ATF7IP: variants seen among roughly 807,000 people sequenced by gnomAD.
ATF7IP encodes activating transcription factor 7 interacting protein, also known as activating transcription factor 7-interacting protein 1.
A neutral mutation model predicts 106.4 loss-of-function variants in ATF7IP; 23 were observed. The ratio of observed to expected loss-of-function variants is 0.22; its 90% CI spans 0.16 to 0.31. The LOEUF is 0.31. ATF7IP is among the 10% of genes least tolerant of loss of function. The pLI is 1.00. For synonymous variants in ATF7IP, 542 were observed against 539.0 expected (o/e 1.01, Z -0.08); for missense variants, 1,334 against 1,524.3 (o/e 0.88, Z 2.08).
intron 13 of ATF7IP, among the ~76,000 whole-genome samples, chr12:14,492,385 C>G (rs1045476192): frequency 6.6e-5 from 10 of 151,996 alleles, no homozygotes; most frequent in Non-Finnish European, 1.2e-4. Flanking sequence ...CAGAGATCTC[C>G]TTGGGGAAGG....
chr12:14,421,929 A>G (rs1442850779), intron 1 of ATF7IP, among the ~76,000 whole-genome samples: 2 of 152,194 alleles, frequency 1.3e-5, no homozygotes, highest in Admixed American at 1.3e-4. Flanking sequence ...CTTTTTAAGA[A>G]ACCTACTTCT....
intron 1 of ATF7IP, among the ~76,000 whole-genome samples, chr12:14,399,744 A>G (rs1171380290): frequency 6.6e-6 from 1 of 151,960 alleles, no homozygotes; most frequent in Non-Finnish European, 1.5e-5. Flanking sequence ...TTAATATACT[A>G]TTTTAAAATG....
At position 14,436,126 on chromosome 12, in the gene ATF7IP, C is replaced by T; in HGVS notation, c.1666C>T (p.Arg556Cys). The part of the protein sequence containing the change: ...SEKNEFSRRK[R>C]SKSEDMDNVQ... ...CTCAGATGAATTTTCTAGACGAAAA[C>T]GTTCTAAATCAGAAGACATGGACAA... Residue 556 changes from arginine (R) to cysteine (C), a missense_variant, in exon 4 of 15, where the codon CGT becomes TGT. Physicochemically the swap from Arg to Cys is radical, Grantham distance 180. Around this residue, in one of 10 missense-constraint regions of ATF7IP, gnomAD observed 119 missense variants for 117.8 expected, o/e 1.01. Coordinates refer to ENST00000261168, the MANE Select transcript of ATF7IP (RefSeq NM_018179.5). The T allele has an allele frequency of 6.2e-7, 1 of 1,612,364 alleles. No homozygotes were observed. Among genetic ancestry groups the T allele is most frequent in the Non-Finnish European group, 8.5e-7 (1 of 1,179,288 alleles).
intron 13 of ATF7IP, among the ~76,000 whole-genome samples, chr12:14,494,777 A>T (rs1944958406): frequency 6.6e-6 from 1 of 151,498 alleles, no homozygotes; most frequent in Non-Finnish European, 1.5e-5. Context: ...TACCAAAAAT[A>T]CAAAAATTGG....
intron 1 of ATF7IP, among the ~76,000 whole-genome samples, chr12:14,376,829 G>A (rs978332338): frequency 6.6e-6 from 1 of 152,132 alleles, no homozygotes; most frequent in African/African-American, 2.4e-5. Flanking sequence ...GGGAGGCTGA[G>A]GCAGGAGAAT....
At chr12:14,410,165 A>G (rs1940831544) in intron 1 of ATF7IP, among the ~76,000 whole-genome samples, 2 of 152,146 alleles carry the variant, frequency 1.3e-5, no homozygotes, top group African/African-American at 2.4e-5. Flanking sequence ...GACATTTCAT[A>G]TACATTAGTC....
intron 6 of ATF7IP, among the ~76,000 whole-genome samples, chr12:14,455,373 T>G (rs1943384736): frequency 6.6e-6 from 1 of 152,122 alleles, no homozygotes; most frequent in African/African-American, 2.4e-5. Flanking sequence ...TTAATTCTAT[T>G]GTTTTTCCCT....
intron 13 of ATF7IP, among the ~76,000 whole-genome samples, chr12:14,494,330 T>TATATAC (rs1565559779): frequency 8.7e-6 from 1 of 115,020 alleles, no homozygotes. Flanking sequence ...TATATATATA[T>TATATAC]ATATGTGTGT....
At chr12:14,415,841 A>T (rs1162359201) in intron 1 of ATF7IP, among the ~76,000 whole-genome samples, 1 of 152,164 alleles carries the variant, frequency 6.6e-6, no homozygotes, top group Non-Finnish European at 1.5e-5. Context: ...AGATAATTTA[A>T]AGTATACAGC....
chr12:14,391,391 T>C (rs16909849), intron 1 of ATF7IP, among the ~76,000 whole-genome samples: 2,110 of 152,336 alleles, frequency 0.014, 65 homozygotes, highest in African/African-American at 0.048. Flanking sequence ...ATCTGACTCG[T>C]GTATCCCTTT....
At chr12:14,404,134 T>A (rs1202969719) in intron 1 of ATF7IP, among the ~76,000 whole-genome samples, 2 of 54,390 alleles carry the variant, frequency 3.7e-5, no homozygotes, top group Admixed American at 3.2e-4. Flanking sequence ...TTTGTAAGCT[T>A]TTTTTTTTTT....
intron 1 of ATF7IP, among the ~76,000 whole-genome samples, chr12:14,415,498 G>T (rs527621863): frequency 2.0e-5 from 3 of 152,118 alleles, no homozygotes; most frequent in Non-Finnish European, 2.9e-5. Context: ...CTAGGGAATT[G>T]TTGGTAAAGC....
At chr12:14,399,862 G>C (rs1246368642) in intron 1 of ATF7IP, among the ~76,000 whole-genome samples, 1 of 152,240 alleles carries the variant, frequency 6.6e-6, no homozygotes, top group South Asian at 2.1e-4. Context: ...GAGATTTCCT[G>C]TTTTACTTTG....
At chr12:14,422,597 T>C (rs1052823025) in intron 1 of ATF7IP, among the ~76,000 whole-genome samples, 1 of 152,214 alleles carries the variant, frequency 6.6e-6, no homozygotes, top group African/African-American at 2.4e-5. Context: ...ACTGATTTAC[T>C]TTCTGTCTCT....
At chr12:14,398,627 T>C (rs1939999188) in intron 1 of ATF7IP, among the ~76,000 whole-genome samples, 1 of 152,024 alleles carries the variant, frequency 6.6e-6, no homozygotes, top group Non-Finnish European at 1.5e-5. Context: ...GACATGCTAA[T>C]GGGTTGTTCA....
chr12:14,461,220 C>A, intron 9 of ATF7IP, 87 bp downstream of exon 9: 3 of 1,203,370 alleles, frequency 2.5e-6, no homozygotes, highest in Non-Finnish European at 3.4e-6. Flanking sequence ...AAGTGGCTAG[C>A]GTTATTGGAA....
intron 1 of ATF7IP, among the ~76,000 whole-genome samples, chr12:14,417,223 G>A (rs1283497191): frequency 6.6e-6 from 1 of 152,080 alleles, no homozygotes; most frequent in Non-Finnish European, 1.5e-5. Context: ...ATAACCTTTT[G>A]TAACTTGCTG....
At chr12:14,388,588 C>CACTTTAGGCAGG in intron 1 of ATF7IP, among the ~76,000 whole-genome samples, 1 of 152,272 alleles carries the variant, frequency 6.6e-6, no homozygotes, top group South Asian at 2.1e-4. Context: ...CTAAAGTGAT[C>CACTTTAGGCAGG]CGCCTGCCTA....
At chr12:14,493,067 C>G (rs1053159743) in intron 13 of ATF7IP, among the ~76,000 whole-genome samples, 1 of 152,196 alleles carries the variant, frequency 6.6e-6, no homozygotes, top group Non-Finnish European at 1.5e-5. Context: ...CCAGCTCTCT[C>G]ACAGTGTGCC....
Sources: allele counts gnomAD v4.1 joint callset (sites outside exome capture counted in the v4.1 genomes callset), GRCh38; gene constraint gnomAD v4.1.1; regional missense constraint gnomAD v4.1.1; transcripts MANE v1.5; gene names NCBI Gene and HGNC (gene_info 2026-07-23, HGNC 2026-07-21).